Variants in MACROD2 observed in about 807,000 individuals in gnomAD.
MACROD2 encodes the protein ADP-ribose glycohydrolase MACROD2.
A neutral mutation model predicts 70.4 loss-of-function variants in MACROD2; 36 were observed. The observed-to-expected ratio is 0.51, with a 90% CI of 0.39 to 0.68. MACROD2 has a LOEUF of 0.68. MACROD2 is among the 30% of genes least tolerant of loss of function. The pLI is 0.00. For synonymous variants in MACROD2, 172 were observed against 178.8 expected (o/e 0.96, Z 0.30); for missense variants, 496 against 538.4 (o/e 0.92, Z 0.78).
intron 3 of MACROD2, among the ~76,000 whole-genome samples, chr20:14,301,092 A>G (rs141916811): frequency 5.4e-4 from 82 of 152,282 alleles, no homozygotes; most frequent in Middle Eastern, 3.4e-3. Flanking sequence ...CCTCATTTTC[A>G]GAAATGGAGT....
At chr20:15,413,085 A>G (rs2046100053) in intron 6 of MACROD2, among the ~76,000 whole-genome samples, 1 of 152,368 alleles carries the variant, frequency 6.6e-6, no homozygotes, top group Admixed American at 6.5e-5. Flanking sequence ...TAGCGAAAAT[A>G]CTTGCATTTT....
At chr20:14,073,906 C>G (rs2053883133) in intron 2 of MACROD2, among the ~76,000 whole-genome samples, 1 of 152,168 alleles carries the variant, frequency 6.6e-6, no homozygotes, top group Non-Finnish European at 1.5e-5. Context: ...AGTTAGGTCC[C>G]TCTGGACAAG....
At chr20:14,163,870 T>G (rs1185984985) in intron 3 of MACROD2, among the ~76,000 whole-genome samples, 1 of 152,006 alleles carries the variant, frequency 6.6e-6, no homozygotes, top group Non-Finnish European at 1.5e-5. Flanking sequence ...TTATTTGTAT[T>G]GTTTTTCAGA....
At chr20:14,385,263 T>G (rs1442884393) in intron 3 of MACROD2, among the ~76,000 whole-genome samples, 2 of 152,176 alleles carry the variant, frequency 1.3e-5, no homozygotes, top group East Asian at 1.9e-4. Context: ...AATGATACAC[T>G]ATTATTTTAG....
At chr20:15,477,102 T>TG (rs1448496394) in intron 7 of MACROD2, among the ~76,000 whole-genome samples, 1 of 146,008 alleles carries the variant, frequency 6.8e-6, no homozygotes, top group Non-Finnish European at 1.5e-5. Context: ...ATTTTTAGTT[T>TG]TTTTTTTTTT....
chr20:15,074,365 T>C (rs2075641734), intron 5 of MACROD2, among the ~76,000 whole-genome samples: 1 of 152,168 alleles, frequency 6.6e-6, no homozygotes, highest in African/African-American at 2.4e-5. Flanking sequence ...TTCAGGGAGC[T>C]TCCAGATAGC....
intron 2 of MACROD2, among the ~76,000 whole-genome samples, chr20:14,047,947 T>TG (rs1385819717): frequency 6.6e-6 from 1 of 151,000 alleles, no homozygotes; most frequent in African/African-American, 2.4e-5. Context: ...CAAAAGAAAA[T>TG]GAAGTTCCCA....
At chr20:14,402,064 G>A (rs996944550) in intron 3 of MACROD2, among the ~76,000 whole-genome samples, 1 of 152,058 alleles carries the variant, frequency 6.6e-6, no homozygotes, top group Non-Finnish European at 1.5e-5. Flanking sequence ...GTATGTATTA[G>A]CTGTTTTCCT....
At chr20:14,023,331 G>C (rs2053114331) in intron 2 of MACROD2, among the ~76,000 whole-genome samples, 1 of 151,978 alleles carries the variant, frequency 6.6e-6, no homozygotes, top group Admixed American at 6.6e-5. Context: ...TGAAATAATT[G>C]TTTCCCATTC....
chr20:16,037,922 C>G (rs1007997756), intron 15 of MACROD2, among the ~76,000 whole-genome samples: 1 of 151,872 alleles, frequency 6.6e-6, no homozygotes, highest in African/African-American at 2.4e-5. Flanking sequence ...TCCACATTAC[C>G]TTTCACATTT....
chr20:15,055,827 ACT>A (rs1056102470), intron 5 of MACROD2, among the ~76,000 whole-genome samples: 72 of 142,420 alleles, frequency 5.1e-4, no homozygotes, highest in Non-Finnish European at 8.6e-4. Flanking sequence ...ATGGAGTCTC[ACT>A]CTGTTACCCA....
At chr20:14,896,392 A>G (rs2073830152) in intron 5 of MACROD2, among the ~76,000 whole-genome samples, 1 of 152,186 alleles carries the variant, frequency 6.6e-6, no homozygotes, top group African/African-American at 2.4e-5. Context: ...TGTCTTAGTC[A>G]TTATCCTTGC....
chr20:14,994,696 C>T (rs2074934961), intron 5 of MACROD2, among the ~76,000 whole-genome samples: 3 of 152,186 alleles, frequency 2.0e-5, no homozygotes, highest in Admixed American at 2.0e-4. Flanking sequence ...CAATATCTCT[C>T]ACTGATCTAT....
intron 5 of MACROD2, among the ~76,000 whole-genome samples, chr20:15,168,252 G>A (rs540880461): frequency 3.8e-4 from 58 of 152,198 alleles, no homozygotes; most frequent in African/African-American, 1.2e-3. Context: ...CTTGGAGACG[G>A]CACTGACTAT....
At chr20:15,393,308 A>G (rs778778088) in intron 6 of MACROD2, among the ~76,000 whole-genome samples, 17 of 152,268 alleles carry the variant, frequency 1.1e-4, no homozygotes, top group Admixed American at 4.6e-4. Flanking sequence ...ACAAAGAGTA[A>G]ACTCTACATC....
intron 5 of MACROD2, among the ~76,000 whole-genome samples, chr20:15,036,888 A>G (rs749290321): frequency 6.6e-6 from 1 of 151,820 alleles, no homozygotes; most frequent in Non-Finnish European, 1.5e-5. Flanking sequence ...TTATAAAGAT[A>G]ATTATGAAAT....
intron 3 of MACROD2, among the ~76,000 whole-genome samples, chr20:14,317,507 T>C (rs916281662): frequency 1.3e-5 from 2 of 151,746 alleles, no homozygotes; most frequent in Non-Finnish European, 2.9e-5. Flanking sequence ...TCCCAGCTAC[T>C]TGGGAGTCTG....
At chr20:14,993,208 A>G (rs1269634431) in intron 5 of MACROD2, among the ~76,000 whole-genome samples, 1 of 151,854 alleles carries the variant, frequency 6.6e-6, no homozygotes, top group Non-Finnish European at 1.5e-5. Flanking sequence ...ACTTGTTTAC[A>G]GTGGGATTTC....
rs552088951 is a variant in MACROD2, at chr20:15,326,550, A to T, written c.540+96489A>T. Among the ~76,000 whole-genome samples the T allele has an allele frequency of 2.6e-5, 4 of 152,236 alleles. No individual in the cohort carries two copies. The South Asian group carries it at 8.3e-4, about 32-fold the overall frequency. On this transcript the variant is annotated intron_variant, in intron 6 of 17. Coordinates refer to ENST00000684519, the MANE Select transcript of MACROD2 (RefSeq NM_001351661.2). ...ATATTCTTAAAGATAAATTCCCTAT[A>T]ACCATTTTTTAAAGTAAATGGTATA...
Sources: gnomAD v4.1 joint callset for allele counts (sites outside exome capture counted in the v4.1 genomes callset) on GRCh38, gnomAD v4.1.1 for gene constraint, MANE v1.5 for transcripts, NCBI Gene and HGNC (gene_info 2026-07-23, HGNC 2026-07-21) for gene names.